The following ATP6V1H variants were observed in gnomAD, a reference collection of about 807,000 sequenced individuals.
ATP6V1H encodes the protein ATPase H+ transporting V1 subunit H, also known as V-type proton ATPase subunit H.
Under a neutral mutation model 71.7 loss-of-function variants are expected in ATP6V1H, and 39 were observed. The observed-to-expected ratio is 0.54, with a 90% confidence interval of 0.42 to 0.71. The LOEUF (loss-of-function observed/expected upper bound fraction) is 0.71, where lower values mean the gene tolerates loss of function less well. ATP6V1H is among the 30% of genes least tolerant of loss of function. The pLI, the probability that ATP6V1H is intolerant of heterozygous loss-of-function variation, is 0.00. For missense variants in ATP6V1H, 509 were observed against 594.9 expected (o/e 0.86, Z 1.50); for synonymous variants, 192 against 199.3 (o/e 0.96, Z 0.31).
chr8:53,817,264 G>A (rs902606978), intron 5 of ATP6V1H, among the ~76,000 whole-genome samples, 153 bp downstream of exon 5: 1 of 151,238 alleles, frequency 6.6e-6, no homozygotes, highest in Admixed American at 6.6e-5. Flanking sequence ...CCAGCTGGGT[G>A]CAGTGGCTCA....
At chr8:53,828,986 T>C (rs779752353) in intron 4 of ATP6V1H, among the ~76,000 whole-genome samples, 7 of 152,168 alleles carry the variant, frequency 4.6e-5, no homozygotes, top group Non-Finnish European at 8.8e-5. Context: ...AGAAACTGTA[T>C]GCAACTGGAA....
At chr8:53,753,367 AT>A (rs1807870151) in intron 12 of ATP6V1H, among the ~76,000 whole-genome samples, 1 of 152,244 alleles carries the variant, frequency 6.6e-6, no homozygotes, top group Non-Finnish European at 1.5e-5. Context: ...AGGAAGTCAA[AT>A]GAAGGTACAG....
At chr8:53,815,539 G>T (rs1308799097) in intron 5 of ATP6V1H, among the ~76,000 whole-genome samples, 1 of 152,196 alleles carries the variant, frequency 6.6e-6, no homozygotes, top group Non-Finnish European at 1.5e-5. Context: ...AAACCAGTCT[G>T]ACAGGTACAC....
rs183023547 is a variant in ATP6V1H, at chr8:53,808,523, T to C, written c.579+2641A>G. On this transcript the variant is annotated intron_variant, in intron 7 of 13. Coordinates refer to ENST00000359530, the MANE Select transcript of ATP6V1H (RefSeq NM_015941.4). ...TGGCTCACGCCTATAATCCCAACAC[T>C]TTGGAAGGCCAAGGCGGGTAGATTG... Among the ~76,000 whole-genome samples the C allele has an allele frequency of 2.2e-3, 337 of 152,310 alleles. 2 individuals are homozygous for C. Among genetic ancestry groups the C allele is most frequent in the African/African-American group, 7.8e-3 (326 of 41,570 alleles).
At chr8:53,801,376 C>G (rs1218574556) in intron 8 of ATP6V1H, among the ~76,000 whole-genome samples, 1 of 152,214 alleles carries the variant, frequency 6.6e-6, no homozygotes, top group Non-Finnish European at 1.5e-5. Context: ...TAAGCCTGAA[C>G]AGGCAGCTCC....
intron 2 of ATP6V1H, among the ~76,000 whole-genome samples, chr8:53,834,791 G>C (rs2130534330): frequency 6.6e-6 from 1 of 151,836 alleles, no homozygotes; most frequent in Non-Finnish European, 1.5e-5. Context: ...ATATGTTGAG[G>C]AATTGGTGTT....
At chr8:53,742,704 A>C (rs1027203532) in intron 13 of ATP6V1H, among the ~76,000 whole-genome samples, 1 of 152,242 alleles carries the variant, frequency 6.6e-6, no homozygotes, top group Non-Finnish European at 1.5e-5. Flanking sequence ...ATACCACAGC[A>C]GTACTCCTGG....
At chr8:53,792,597 T>C (rs1456057630) in intron 9 of ATP6V1H, among the ~76,000 whole-genome samples, 1 of 152,044 alleles carries the variant, frequency 6.6e-6, no homozygotes, top group African/African-American at 2.4e-5. Context: ...CCTGAGAAAA[T>C]GCATCGAGAC....
In ATP6V1H at chr8:53,814,762, G is replaced by C; in HGVS notation, c.425C>G (p.Ala142Gly). 1.2e-6 allele frequency: 2 copies of C among 1,607,666 alleles called. No individual in the cohort carries two copies. The highest frequency in any genetic ancestry group is 1.7e-6 in the Non-Finnish European group (2 of 1,175,616). The change falls in exon 6 of 14, where the codon GCA becomes GGA. Residue 142 changes from alanine (A) to glycine (G), a missense_variant. Physicochemically the swap from Ala to Gly is moderately conservative, Grantham distance 60. Coordinates refer to ENST00000359530, the MANE Select transcript of ATP6V1H (RefSeq NM_015941.4). ...AGCTGCTAACTTGGCAATAATTCTT[G>C]CTGCCTGAAAACAAATAAGAGATAC... ...RQDPFTVHMA[A>G]RIIAKLAAWG...
At chr8:53,723,824 C>T (rs867902132) in intron 13 of ATP6V1H, among the ~76,000 whole-genome samples, 33 of 152,160 alleles carry the variant, frequency 2.2e-4, no homozygotes, top group Admixed American at 2.1e-3. Context: ...GCTGCCTCAC[C>T]GTGGGATGAA....
chr8:53,820,289 TA>T (rs997588234), intron 4 of ATP6V1H, among the ~76,000 whole-genome samples: 3 of 147,352 alleles, frequency 2.0e-5, no homozygotes, highest in Admixed American at 6.8e-5. Flanking sequence ...TAATAAGGTT[TA>T]AAAAAAAAGA....
chr8:53,793,811 T>G (rs1049633683), intron 9 of ATP6V1H, among the ~76,000 whole-genome samples: 1 of 152,102 alleles, frequency 6.6e-6, no homozygotes, highest in East Asian at 1.9e-4. Context: ...TGGTGGTGCA[T>G]GCCTGTGATC....
chr8:53,791,961 T>TA (rs1477426207), intron 9 of ATP6V1H, among the ~76,000 whole-genome samples: 1 of 152,196 alleles, frequency 6.6e-6, no homozygotes, highest in Non-Finnish European at 1.5e-5. Context: ...AAGACTCCAT[T>TA]TCTGAAAATT....
intron 8 of ATP6V1H, among the ~76,000 whole-genome samples, chr8:53,797,246 G>A (rs1269225616): frequency 6.6e-6 from 1 of 152,176 alleles, no homozygotes; most frequent in Non-Finnish European, 1.5e-5. Context: ...GGAGCTAGAG[G>A]CTGACTTCAA....
chr8:53,722,667 T>C (rs914460170), intron 13 of ATP6V1H, among the ~76,000 whole-genome samples: 3 of 152,108 alleles, frequency 2.0e-5, no homozygotes, highest in African/African-American at 7.2e-5. Flanking sequence ...AAATCGATGA[T>C]TGTTGAATAA....
At chr8:53,814,027 G>T (rs973278446) in intron 6 of ATP6V1H, among the ~76,000 whole-genome samples, 4 of 152,160 alleles carry the variant, frequency 2.6e-5, no homozygotes, top group African/African-American at 7.2e-5. Context: ...GGACAAGCAG[G>T]TTAGCTAATA....
rs1277603145 is a variant in ATP6V1H, at chr8:53,839,894, C to T, written c.113+1684G>A. ...GGATCAAGTCCAAACTCCTTCCAAC[C>T]ACACACCCACACACAGCATCTTCAC... On this transcript the variant is annotated intron_variant, in intron 2 of 13. Coordinates refer to ENST00000359530, the MANE Select transcript of ATP6V1H (RefSeq NM_015941.4). The T allele has an allele frequency of 5.1e-6, 5 of 985,388 alleles. No homozygotes were observed. The Admixed American group carries it at 1.8e-4, about 36-fold the overall frequency. The allele number at this position is 985,388 out of a possible 1,614,324, so 61.0% of individuals were successfully genotyped here.
intron 12 of ATP6V1H, among the ~76,000 whole-genome samples, chr8:53,748,105 C>A (rs1807670540): frequency 6.6e-6 from 1 of 151,704 alleles, no homozygotes; most frequent in South Asian, 2.1e-4. Flanking sequence ...TTGCAGTGAG[C>A]CGAGATCACG....
chr8:53,775,092 G>C (rs531441055), intron 9 of ATP6V1H, among the ~76,000 whole-genome samples: 3 of 152,286 alleles, frequency 2.0e-5, no homozygotes, highest in South Asian at 4.1e-4. Flanking sequence ...AGATGTGTTC[G>C]GAGTTTCTTC....
Sources: allele counts gnomAD v4.1 joint callset (sites outside exome capture counted in the v4.1 genomes callset), GRCh38; gene constraint gnomAD v4.1.1; transcripts MANE v1.5; gene names NCBI Gene and HGNC (gene_info 2026-07-23, HGNC 2026-07-21).